Variants in PIK3R1 observed in about 807,000 individuals in gnomAD.
PIK3R1 encodes phosphoinositide-3-kinase regulatory subunit 1.
PIK3R1 carries 29 observed loss-of-function variants against 98.0 expected under a neutral mutation model. That is an observed-to-expected ratio of 0.30 (90% CI 0.22 to 0.40). The LOEUF is 0.40. Ranked by LOEUF, PIK3R1 falls within the 10% of genes least tolerant of loss-of-function variation. The pLI is 1.00. For missense variants in PIK3R1, 596 were observed against 872.7 expected (o/e 0.68, Z 3.99); for synonymous variants, 282 against 311.8 (o/e 0.90, Z 1.01).
chr5:68,273,802 G>A, intron 3 of PIK3R1, 137 bp from the exon 4 acceptor site: 2 of 724,704 alleles, frequency 2.8e-6, no homozygotes, highest in Non-Finnish European at 4.8e-6. Context: ...AATAGTAGGA[G>A]TTGACTTCCA....
intron 2 of PIK3R1, among the ~76,000 whole-genome samples, chr5:68,237,035 A>C (rs1439812786): frequency 6.6e-6 from 1 of 152,166 alleles, no homozygotes; most frequent in Non-Finnish European, 1.5e-5. Context: ...GTTGTTTTTG[A>C]AGAAGTTAAA....
intron 10 of PIK3R1, 101 bp downstream of exon 10, chr5:68,293,584 T>TA (rs1747510250): frequency 3.3e-6 from 4 of 1,220,214 alleles, no homozygotes. Context: ...TAATCAAGTC[T>TA]AAAAAACTTG....
intron 4 of PIK3R1, 48 bp downstream of exon 4, chr5:68,274,061 C>G (rs766983395): frequency 7.0e-7 from 1 of 1,428,568 alleles, no homozygotes; most frequent in South Asian, 1.1e-5. Flanking sequence ...CAGGTCTTGG[C>G]TTTCTGTTTC....
At chr5:68,279,459 C>T in intron 4 of PIK3R1, 143 bp from the exon 5 acceptor site, 1 of 676,546 alleles carries the variant, frequency 1.5e-6, no homozygotes, top group Non-Finnish European at 2.5e-6. Flanking sequence ...CTAACGAATA[C>T]TTTGTGTCTT....
At chr5:68,273,814 G>A (rs1746460360) in intron 3 of PIK3R1, 125 bp from the exon 4 acceptor site, 3 of 773,024 alleles carry the variant, frequency 3.9e-6, no homozygotes, top group African/African-American at 3.5e-5. Context: ...TGACTTCCAA[G>A]AATATTTGGT....
At chr5:68,240,154 C>T (rs1039009183) in intron 2 of PIK3R1, among the ~76,000 whole-genome samples, 59 of 150,768 alleles carry the variant, frequency 3.9e-4, no homozygotes, top group African/African-American at 1.4e-3. Flanking sequence ...AATATGTATT[C>T]GTATATGATA....
chr5:68,279,818 G>C, intron 5 of PIK3R1, 85 bp downstream of exon 5: 1 of 1,343,716 alleles, frequency 7.4e-7, no homozygotes, highest in East Asian at 2.3e-5. Flanking sequence ...TATAGAAATA[G>C]TGGTTAGAAA....
intron 7 of PIK3R1, among the ~76,000 whole-genome samples, chr5:68,286,380 T>C (rs1482295157): frequency 1.3e-5 from 2 of 152,186 alleles, no homozygotes; most frequent in African/African-American, 2.4e-5. Flanking sequence ...TAGTGAGTCA[T>C]ATAGATCAAG....
intron 1 of PIK3R1, among the ~76,000 whole-genome samples, chr5:68,223,809 T>G (rs914697842): frequency 2.7e-4 from 41 of 152,372 alleles, no homozygotes; most frequent in African/African-American, 8.4e-4. Flanking sequence ...TTGTAAAACC[T>G]TGACAAGTCC....
intron 2 of PIK3R1, among the ~76,000 whole-genome samples, chr5:68,257,944 C>T (rs1745589291): frequency 6.6e-6 from 1 of 152,198 alleles, no homozygotes; most frequent in South Asian, 2.1e-4. Context: ...ACCCAAAACA[C>T]ATTTTATGCT....
In PIK3R1 at chr5:68,299,740, T is replaced by G. The variant is rs1417046942; in HGVS notation, c.*2139T>G. 1 of 233,126 alleles carries G rather than the reference T, an allele frequency of 4.3e-6. No individual in the cohort carries two copies. The highest frequency in any genetic ancestry group is 2.2e-5 in the African/African-American group (1 of 45,366). The allele number at this position is 233,126 out of a possible 1,614,324, so 14.4% of individuals were successfully genotyped here. On this transcript the variant is annotated 3_prime_UTR_variant, in exon 16 of 16. Coordinates refer to ENST00000521381, the MANE Select transcript of PIK3R1 (RefSeq NM_181523.3). ...GTTGTTCCTTTTGAAAGAATCAGTC[T>G]TGCAGCTGAGTGAAAAATCTGTGGA...
At chr5:68,283,260 T>C (rs1458296829) in intron 7 of PIK3R1, among the ~76,000 whole-genome samples, 1 of 152,232 alleles carries the variant, frequency 6.6e-6, no homozygotes, top group Non-Finnish European at 1.5e-5. Context: ...GACTCTGTTA[T>C]AGGGCAGATA....
intron 2 of PIK3R1, among the ~76,000 whole-genome samples, chr5:68,262,385 T>TA (rs200907526): frequency 0.026 from 2,239 of 87,096 alleles, 51 homozygotes; most frequent in African/African-American, 0.065. Flanking sequence ...TTCTATAATT[T>TA]TTATATATAT....
chr5:68,263,903 T>C (rs1746011315), intron 2 of PIK3R1, among the ~76,000 whole-genome samples: 1 of 152,192 alleles, frequency 6.6e-6, no homozygotes, highest in Admixed American at 6.5e-5. Context: ...ACTCCCTTCA[T>C]ATATTTGTTA....
chr5:68,282,426 C>A (rs115982584), intron 7 of PIK3R1, among the ~76,000 whole-genome samples: 1 of 152,212 alleles, frequency 6.6e-6, no homozygotes, highest in South Asian at 2.1e-4. Flanking sequence ...GTGGGTAGTC[C>A]TGATCTTTTC....
At chr5:68,290,936 A>AT in intron 7 of PIK3R1, 3 of 726,786 alleles carry the variant, frequency 4.1e-6, no homozygotes, top group Non-Finnish European at 6.6e-6. Context: ...GTTTTTATTA[A>AT]TTTGTTTCAT....
At chr5:68,223,688 A>G (rs1744176139) in intron 1 of PIK3R1, among the ~76,000 whole-genome samples, 1 of 152,226 alleles carries the variant, frequency 6.6e-6, no homozygotes. Flanking sequence ...GTCACTTCAG[A>G]CAGGGATTGC....
At chr5:68,247,044 C>T (rs1330466245) in intron 2 of PIK3R1, among the ~76,000 whole-genome samples, 3 of 152,160 alleles carry the variant, frequency 2.0e-5, no homozygotes, top group Admixed American at 1.3e-4. Context: ...AGGTGTTTGC[C>T]GTTCTCACAG....
intron 4 of PIK3R1, among the ~76,000 whole-genome samples, chr5:68,278,365 T>A (rs571782315): frequency 2.7e-4 from 41 of 152,320 alleles, no homozygotes; most frequent in Admixed American, 1.6e-3. Context: ...GATTGGTTGC[T>A]AAAAGTCTGT....
Sources: allele counts gnomAD v4.1 joint callset (sites outside exome capture counted in the v4.1 genomes callset), GRCh38; gene constraint gnomAD v4.1.1; transcripts MANE v1.5; gene names NCBI Gene and HGNC (gene_info 2026-07-23, HGNC 2026-07-21).